The following DSTYK variants were observed in gnomAD, a reference collection of about 807,000 sequenced individuals.
DSTYK encodes the protein RIP-homologous kinase.
DSTYK carries 34 observed loss-of-function variants against 98.7 expected under a neutral mutation model. That is an observed-to-expected ratio of 0.34 (90% confidence interval 0.26 to 0.46). The LOEUF (loss-of-function observed/expected upper bound fraction) is 0.46. Among genes scored for constraint, DSTYK ranks in the 20% least tolerant of loss-of-function variants. DSTYK has a pLI of 1.00. For synonymous variants in DSTYK, 462 were observed against 457.3 expected (o/e 1.01, Z -0.13); for missense variants, 962 against 1,181.7 (o/e 0.81, Z 2.73).
rs551740490 is a variant in DSTYK at position 205,185,087 on chromosome 1, G to A, written c.654+2331C>T. Reference sequence around the variant, plus strand: ...GTGGTGGCACACACCTGTAATCCCAGCTACTTGGGAGGCTGAGGCAGTAGA... The same window carrying A: ...GTGGTGGCACACACCTGTAATCCCAACTACTTGGGAGGCTGAGGCAGTAGA... On this transcript the variant is annotated intron_variant, in intron 2 of 12. Transcript: ENST00000367162. Among the ~76,000 whole-genome samples, 150 of 152,258 alleles carry A rather than the reference G, an allele frequency of 9.9e-4. 2 individuals carry two copies. The highest frequency in any genetic ancestry group is 3.4e-3 in the African/African-American group (142 of 41,550).
intron 2 of DSTYK, among the ~76,000 whole-genome samples, chr1:205,186,668 T>A (rs1658567308): frequency 6.6e-6 from 1 of 152,186 alleles, no homozygotes; most frequent in African/African-American, 2.4e-5. Flanking sequence ...TTGGTCTAAT[T>A]AAATAGCCTG....
At chr1:205,184,190 G>T (rs1350833419) in intron 2 of DSTYK, among the ~76,000 whole-genome samples, 2 of 151,842 alleles carry the variant, frequency 1.3e-5, no homozygotes, top group African/African-American at 4.8e-5. Context: ...ATACGCGCTT[G>T]GGGGGATGGC....
chr1:205,203,639 G>A (rs1659115526), intron 1 of DSTYK, among the ~76,000 whole-genome samples: 1 of 151,370 alleles, frequency 6.6e-6, no homozygotes, highest in Admixed American at 6.6e-5. Flanking sequence ...TGACCAGCTG[G>A]GCAAGGTGGC....
chr1:205,148,088 A>T (rs1459479702), intron 12 of DSTYK, 117 bp downstream of exon 12: 1 of 1,241,538 alleles, frequency 8.1e-7, no homozygotes, highest in Non-Finnish European at 1.1e-6. Flanking sequence ...GTTTAAACGT[A>T]TCTACGGCCC....
chr1:205,173,095 G>C (rs1488502402), intron 2 of DSTYK: 2 of 152,032 alleles, frequency 1.3e-5, no homozygotes, highest in Admixed American at 1.3e-4. Flanking sequence ...TAAAAGGAAA[G>C]GAAAACAGTT....
chr1:205,163,660 A>T, intron 4 of DSTYK, 63 bp downstream of exon 4: 2 of 1,321,700 alleles, frequency 1.5e-6, no homozygotes, highest in Non-Finnish European at 2.1e-6. Context: ...TGAAGTGTGG[A>T]CTTGTGCAGA....
chr1:205,162,507 A>G (rs187350364), intron 5 of DSTYK, among the ~76,000 whole-genome samples: 1 of 152,222 alleles, frequency 6.6e-6, no homozygotes. Flanking sequence ...ATAACTCTAC[A>G]TAAGAGCCAG....
At chr1:205,199,548 T>C (rs1256346260) in intron 1 of DSTYK, among the ~76,000 whole-genome samples, 2 of 152,204 alleles carry the variant, frequency 1.3e-5, no homozygotes, top group Non-Finnish European at 2.9e-5. Context: ...CCAGGTTCCA[T>C]AGGATCACCA....
rs1424802830 is a variant in DSTYK, at chr1:205,209,883, T to TTTATTATTATTATTA, written c.265+1387_265+1388insTAATAATAATAATAA. ...ACCTGCATCACCTTCCCCAGTGTCT[T>TTTATTATTATTATTA]TTATTATTACTATTATTATTATTAT... On this transcript the variant is annotated intron_variant, in intron 1 of 12. Transcript: ENST00000367162. Among the ~76,000 whole-genome samples the TTTATTATTATTATTA allele has an allele frequency of 6.5e-4, 97 of 149,170 alleles. 1 individual carries two copies. Among genetic ancestry groups the TTTATTATTATTATTA allele is most frequent in the African/African-American group, 2.3e-3 (92 of 39,980 alleles).
chr1:205,180,904 T>C lies in DSTYK; in HGVS notation c.654+6514A>G, dbSNP rs537140656. ...TCCCAGGTTTTTTGGTAAAGAGCAATGTATGCAGGATGGTTAGATTTTACT... is the reference window on the plus strand; with the variant it reads ...TCCCAGGTTTTTTGGTAAAGAGCAACGTATGCAGGATGGTTAGATTTTACT... On this transcript the variant is annotated intron_variant, in intron 2 of 12. Transcript: ENST00000367162. Among the ~76,000 whole-genome samples, 15 of 152,316 alleles carry C rather than the reference T, an allele frequency of 9.8e-5. No homozygotes were observed. The South Asian group carries it at 2.7e-3, about 27-fold the overall frequency.
intron 1 of DSTYK, among the ~76,000 whole-genome samples, chr1:205,205,929 C>T (rs746238406): frequency 1.8e-4 from 28 of 152,138 alleles, no homozygotes; most frequent in Admixed American, 1.2e-3. Flanking sequence ...TTATAACCTC[C>T]CTTAGCATTC....
chr1:205,156,584 T>C (rs1419333428), intron 10 of DSTYK, among the ~76,000 whole-genome samples: 1 of 152,248 alleles, frequency 6.6e-6, no homozygotes, highest in Non-Finnish European at 1.5e-5. Context: ...ACCCAATGCC[T>C]GTACCCTCAT....
chr1:205,175,371 C>T (rs1467342491), intron 2 of DSTYK, among the ~76,000 whole-genome samples: 2 of 152,136 alleles, frequency 1.3e-5, no homozygotes, highest in African/African-American at 2.4e-5. Flanking sequence ...GGATTACAGG[C>T]GTGAGCCACC....
At chr1:205,201,590 C>T (rs1173615616) in intron 1 of DSTYK, among the ~76,000 whole-genome samples, 2 of 152,028 alleles carry the variant, frequency 1.3e-5, no homozygotes, top group East Asian at 3.9e-4. Context: ...AATTTCAAAA[C>T]ATCATTCCAA....
chr1:205,200,595 G>A (rs1226522072), intron 1 of DSTYK, among the ~76,000 whole-genome samples: 2 of 152,356 alleles, frequency 1.3e-5, no homozygotes, highest in Non-Finnish European at 2.9e-5. Flanking sequence ...TCCTCTGGGA[G>A]AGACATGATG....
Position 205,174,698 on chromosome 1 carries a change from A to C in DSTYK, c.655-4866T>G, listed in dbSNP as rs146522772. ...ATACTGTCCAAAAAAAAAATTACTTAATTAATTAATTAAAAAAAGGGATTT... is the reference window on the plus strand; with the variant it reads ...ATACTGTCCAAAAAAAAAATTACTTCATTAATTAATTAAAAAAAGGGATTT... On this transcript the variant is annotated intron_variant, in intron 2 of 12. Transcript: ENST00000367162. 3.7e-4 allele frequency among the ~76,000 whole-genome samples: 55 copies of C among 150,554 alleles called. 1 individual carries two copies. In the East Asian group the frequency reaches 7.7e-3, roughly 21 times the overall value.
At chr1:205,186,082 T>C (rs188852352) in intron 2 of DSTYK, among the ~76,000 whole-genome samples, 34 of 152,032 alleles carry the variant, frequency 2.2e-4, no homozygotes, top group Non-Finnish European at 4.1e-4. Context: ...CATTGAGCTA[T>C]TGGAAGCTTG....
In DSTYK at chr1:205,147,581, T is replaced by G. The variant is rs370809794; in HGVS notation, c.2767A>C (p.Arg923=). The G allele has an allele frequency of 1.9e-6, 3 of 1,612,090 alleles. No homozygotes were observed. Among genetic ancestry groups the G allele is most frequent in the Non-Finnish European group, 2.5e-6 (3 of 1,178,244 alleles). Residue 923 remains arginine, a synonymous_variant, in exon 13 of 13, where the codon AGA becomes CGA. Transcript: ENST00000367162. ...LCKSNSEQPN[R]GLDDST ...TTTCAAGTAGAATCATCTAGTCCTC[T>G]GTTTGGCTGCTCAGAATTGGACTTG...
intron 7 of DSTYK, 60 bp from the exon 8 acceptor site, chr1:205,160,330 G>T: frequency 7.9e-6 from 11 of 1,391,548 alleles, no homozygotes; most frequent in South Asian, 1.3e-5. Context: ...GGCAACCTCT[G>T]TAAGATTCTT....
Sources: allele counts gnomAD v4.1 joint callset (sites outside exome capture counted in the v4.1 genomes callset), GRCh38; gene constraint gnomAD v4.1.1; transcripts MANE v1.5; gene names NCBI Gene and HGNC (gene_info 2026-07-23, HGNC 2026-07-21).